Variants in EFCAB5 observed in about 807,000 individuals in gnomAD.
The protein encoded by EFCAB5 is EF-hand calcium binding domain 5, also known as EF-hand calcium-binding domain-containing protein 5.
Under a neutral mutation model 167.9 loss-of-function variants are expected in EFCAB5, and 131 were observed. The ratio of observed to expected loss-of-function variants is 0.78; its 90% CI spans 0.68 to 0.90. EFCAB5 has a LOEUF of 0.90. Among genes scored for constraint, EFCAB5 ranks in the 40% least tolerant of loss-of-function variants. EFCAB5 has a pLI of 0.00. For missense variants in EFCAB5, 1,663 were observed against 1,745.2 expected (o/e 0.95, Z 0.84); for synonymous variants, 574 against 602.8 (o/e 0.95, Z 0.70).
intron 22 of EFCAB5, among the ~76,000 whole-genome samples, chr17:30,097,469 T>C (rs1597573352): frequency 6.6e-6 from 1 of 152,354 alleles, no homozygotes; most frequent in South Asian, 2.1e-4. Flanking sequence ...GGGGCAACCA[T>C]GTTTTGTTCT....
intron 7 of EFCAB5, among the ~76,000 whole-genome samples, chr17:30,011,829 C>T (rs1047129755): frequency 2.6e-5 from 4 of 151,900 alleles, no homozygotes; most frequent in Non-Finnish European, 4.4e-5. Flanking sequence ...GGCAAGAGAC[C>T]GAGGACGCGA....
intron 22 of EFCAB5, among the ~76,000 whole-genome samples, chr17:30,106,810 C>G (rs1422145146): frequency 2.6e-5 from 4 of 152,152 alleles, no homozygotes; most frequent in Non-Finnish European, 4.4e-5. Flanking sequence ...CATATATTTT[C>G]TCAGCCTCTG....
Position 29,968,940 on chromosome 17 carries a change from T to G in EFCAB5, c.340T>G (p.Trp114Gly), listed in dbSNP as rs1236635459. 2.5e-6 allele frequency: 4 copies of G among 1,586,034 alleles called. No homozygotes were observed. Among genetic ancestry groups the G allele is most frequent in the Admixed American group, 1.8e-5 (1 of 55,138 alleles). Reference sequence around the variant, plus strand: ...ACTGAAATCAAAGCCAGAGCACACATGGAAGAAAAACCTTTTTGAAAGAAT... The same window carrying G: ...ACTGAAATCAAAGCCAGAGCACACAGGGAAGAAAAACCTTTTTGAAAGAAT... ...TELKSKPEHT[W>G]KKNLFERMEA... is the part of the protein sequence containing the mutation. The change falls in exon 4 of 23, where the codon TGG (tryptophan) becomes GGG (glycine). Residue 114 changes from tryptophan to glycine, a missense_variant. Physicochemically the swap from Trp to Gly is radical, Grantham distance 184. Transcript: ENST00000394835.
intron 12 of EFCAB5, 62 bp downstream of exon 12, chr17:30,056,218 T>A: frequency 7.0e-7 from 1 of 1,425,906 alleles, no homozygotes; most frequent in Non-Finnish European, 9.6e-7. Flanking sequence ...TAATTTACTG[T>A]GGTACTCGAT....
chr17:30,052,896 A>G (rs2070141388), intron 9 of EFCAB5, among the ~76,000 whole-genome samples: 1 of 152,248 alleles, frequency 6.6e-6, no homozygotes, highest in Admixed American at 6.5e-5. Context: ...GACATGAAAG[A>G]TGTGTCCCTT....
At chr17:30,050,375 T>C (rs1044486465) in intron 8 of EFCAB5, among the ~76,000 whole-genome samples, 15 of 152,296 alleles carry the variant, frequency 9.8e-5, no homozygotes, top group Admixed American at 8.5e-4. Context: ...CCTTAGGTGA[T>C]CCACCCACCT....
intron 3 of EFCAB5, chr17:29,968,499 C>G: frequency 2.8e-6 from 1 of 355,346 alleles, no homozygotes. Flanking sequence ...GGCTGGAGCT[C>G]TAATAGTCGT....
intron 14 of EFCAB5, among the ~76,000 whole-genome samples, chr17:30,070,091 T>G (rs2070693598): frequency 6.6e-6 from 1 of 152,144 alleles, no homozygotes; most frequent in African/African-American, 2.4e-5. Flanking sequence ...TTTAATAACG[T>G]CTCTCAACAA....
At chr17:30,016,417 A>C (rs187606300) in intron 7 of EFCAB5, among the ~76,000 whole-genome samples, 1 of 152,240 alleles carries the variant, frequency 6.6e-6, no homozygotes, top group African/African-American at 2.4e-5. Context: ...ACTTTGAGTT[A>C]ATTTTTGTCT....
chr17:30,006,489 TC>T (rs568640925), intron 7 of EFCAB5, among the ~76,000 whole-genome samples: 70 of 152,296 alleles, frequency 4.6e-4, no homozygotes, highest in African/African-American at 1.6e-3. Context: ...CTTAATTTTT[TC>T]CCCCTAAAAT....
At chr17:29,970,486 C>T (rs543478160) in intron 4 of EFCAB5, among the ~76,000 whole-genome samples, 16 of 151,264 alleles carry the variant, frequency 1.1e-4, no homozygotes, top group African/African-American at 2.2e-4. Context: ...GGAGGGAAAA[C>T]GAAAAGACAA....
chr17:30,039,892 T>C (rs1002879788), intron 8 of EFCAB5, among the ~76,000 whole-genome samples: 8 of 152,152 alleles, frequency 5.3e-5, no homozygotes, highest in African/African-American at 1.7e-4. Flanking sequence ...ATCTATGAAA[T>C]CAAGCCACAC....
intron 3 of EFCAB5, among the ~76,000 whole-genome samples, chr17:29,947,551 G>T (rs57290114): frequency 0.016 from 2,393 of 152,206 alleles, 61 homozygotes; most frequent in African/African-American, 0.052. Context: ...AAAATCACTT[G>T]TACCCCTGAA....
chr17:30,063,021 C>T lies in EFCAB5; in HGVS notation c.2737+3320C>T, dbSNP rs1256613146. ...ACCCTGGCCAAACTGAGCTGCTACA[C>T]ATCCCAGTGCTGAGTTGACGTAGTA... On this transcript the variant is annotated intron_variant, in intron 14 of 22. Transcript: ENST00000394835. Among the ~76,000 whole-genome samples, 4 of 152,182 alleles carry T rather than the reference C, an allele frequency of 2.6e-5. No homozygotes were observed. The East Asian group carries it at 7.7e-4, about 29-fold the overall frequency.
intron 10 of EFCAB5, among the ~76,000 whole-genome samples, chr17:30,055,356 G>GGAAA (rs1491388651): frequency 6.7e-6 from 1 of 150,340 alleles, no homozygotes; most frequent in African/African-American, 2.4e-5. Context: ...AAGGAAGGAA[G>GGAAA]GAAGGAAGGA....
At chr17:30,048,670 T>C (rs548428603) in intron 8 of EFCAB5, among the ~76,000 whole-genome samples, 1 of 152,054 alleles carries the variant, frequency 6.6e-6, no homozygotes, top group Non-Finnish European at 1.5e-5. Flanking sequence ...ATATTTTTAG[T>C]AGAGATGGGG....
rs775335897 is a variant in EFCAB5 at position 29,942,229 on chromosome 17, T to A, written c.43-11T>A. 7.6e-6 allele frequency: 12 copies of A among 1,578,422 alleles called. No homozygotes were observed. The highest frequency in any genetic ancestry group is 8.6e-6 in the Non-Finnish European group (10 of 1,161,876). ...TTTGGATGCCATTTACTAACACTGT[T>A]TGCATTTCAGGAAAACAGAAAAGAA... is the stretch of plus-strand genomic sequence containing the variant. On this transcript the variant is annotated splice_polypyrimidine_tract_variant and intron_variant, in intron 1 of 22. Coordinates refer to ENST00000394835, the MANE Select transcript of EFCAB5 (RefSeq NM_198529.4).
intron 8 of EFCAB5, among the ~76,000 whole-genome samples, chr17:30,039,790 A>G (rs1017033212): frequency 2.0e-5 from 3 of 152,144 alleles, no homozygotes; most frequent in South Asian, 2.1e-4. Context: ...GAGCGTTTCT[A>G]TGGTTTAGGA....
chr17:29,943,891 C>G (rs1190622361), intron 3 of EFCAB5, among the ~76,000 whole-genome samples: 1 of 151,814 alleles, frequency 6.6e-6, no homozygotes, highest in Admixed American at 6.6e-5. Context: ...AGGAGAATTG[C>G]GTGAACAGGG....
Sources: gnomAD v4.1 joint callset for allele counts (sites outside exome capture counted in the v4.1 genomes callset) on GRCh38, gnomAD v4.1.1 for gene constraint, MANE v1.5 for transcripts, NCBI Gene and HGNC (gene_info 2026-07-23, HGNC 2026-07-21) for gene names.